LTBP4: variants seen among roughly 807,000 people sequenced by gnomAD.
The protein encoded by LTBP4 is latent transforming growth factor beta binding protein 4, also known as latent-transforming growth factor beta-binding protein 4.
In LTBP4, 93 loss-of-function variants were observed where a neutral mutation model predicts 180.2. The ratio of observed to expected loss-of-function variants is 0.52; its 90% CI spans 0.44 to 0.61. The LOEUF (loss-of-function observed/expected upper bound fraction) is 0.61, where lower values mean the gene tolerates loss of function less well. LTBP4 is among the 20% of genes least tolerant of loss of function. The probability of loss-of-function intolerance (pLI) is 0.00; values close to 1 mark genes in which losing one functional copy is unlikely to be tolerated. For synonymous variants in LTBP4, 947 were observed against 934.5 expected, an observed-to-expected ratio of 1.01 and a Z score of -0.24; for missense variants, 2,116 against 2,256.5, an observed-to-expected ratio of 0.94 and a Z score of 1.26.
In LTBP4 at chr19:40,611,962, C is replaced by G. The variant is rs770079010; in HGVS notation, c.2157C>G (p.Asn719Lys). ...TCTGCCCCATGGGCTTCCAACCCAA[C>G]ACTGCTGGCTCCGAGTGCGAGGGTG... ...QCVCPMGFQP[N>K]TAGSECEDVD... Residue 719 changes from asparagine (N) to lysine (K), a missense_variant, in exon 14 of 30, where the codon AAC becomes AAG. By Grantham distance (94) the Asn-to-Lys change is moderately conservative. This residue lies in a region of LTBP4 where 877 missense variants were observed against 873.6 expected (regional missense o/e 1.00). Coordinates refer to ENST00000396819, the MANE Select transcript of LTBP4 (RefSeq NM_001042545.2). This position sits in a 1 kb window ranked among gnomAD's most constrained non-coding sequence, Gnocchi z 4.4. 19 of 1,611,766 alleles carry G rather than the reference C, an allele frequency of 1.2e-5. No individual in the cohort carries two copies. The highest frequency in any genetic ancestry group is 1.5e-5 in the Non-Finnish European group (18 of 1,178,922).
In LTBP4 at chr19:40,627,820, C is replaced by A. The variant is rs1365889140; in HGVS notation, c.4482C>A (p.Asp1494Glu). Residue 1494 changes from aspartate (D) to glutamate (E), a missense_variant, in exon 29 of 30, where the codon GAC (aspartate) becomes GAA (glutamate). By Grantham distance (45) the Asp-to-Glu change is conservative (BLOSUM62 2). Coordinates refer to ENST00000396819, the MANE Select transcript of LTBP4 (RefSeq NM_001042545.2). ...AAGGCTTCACCTGCCGTTGCTTCGA[C>A]GGCTACCGCCTGGACATGACCCGCA... ...VPEGFTCRCFDGYRLDMTRMA... is the reference protein window; with the variant it reads ...VPEGFTCRCFEGYRLDMTRMA... 1 of 1,570,366 alleles carries A rather than the reference C, an allele frequency of 6.4e-7. No individual in the cohort carries two copies.
chr19:40,600,725 G>A (rs990113928), upstream of LTBP4, among the ~76,000 whole-genome samples: 1 of 151,842 alleles, frequency 6.6e-6, no homozygotes, highest in Non-Finnish European at 1.5e-5. This position sits in a 1 kb window ranked among gnomAD's most constrained non-coding sequence, Gnocchi z 4.4. Context: ...TGTGAGCCTC[G>A]GGCCAGATGT....
In LTBP4 at chr19:40,614,465, G is replaced by T. The variant is rs1393293742; in HGVS notation, c.2812+19G>T. 5 of 1,593,298 alleles carry T rather than the reference G, an allele frequency of 3.1e-6. No individual in the cohort carries two copies. The highest frequency in any genetic ancestry group is 4.2e-6 in the Non-Finnish European group (5 of 1,177,432). ...TGTGACGGTGAGCCTGCCCCCACCC[G>T]CCTTCGCTAGCGCTTGCAACGCGGT... On this transcript the variant is annotated intron_variant, in intron 19 of 29. Coordinates refer to ENST00000396819, the MANE Select transcript of LTBP4 (RefSeq NM_001042545.2).
intron 26 of LTBP4, 148 bp downstream of exon 26, chr19:40,624,230 C>T: frequency 3.9e-6 from 4 of 1,016,808 alleles, no homozygotes; most frequent in Non-Finnish European, 5.3e-6. Flanking sequence ...CTCACTCAGT[C>T]TCTGTCCCAC....
chr19:40,605,438 A>C lies in LTBP4; in HGVS notation c.476A>C (p.His159Pro). Residue 159 changes from histidine (H) to proline (P), a missense_variant, in exon 3 of 30, where the codon CAC becomes CCC. His to Pro is a moderately conservative substitution (Grantham distance 77). Around this residue, in one of 5 missense-constraint regions of LTBP4, gnomAD observed 469 missense variants for 532.5 expected, o/e 0.88. Coordinates refer to ENST00000396819, the MANE Select transcript of LTBP4 (RefSeq NM_001042545.2). This position sits in a 1 kb window ranked among gnomAD's most constrained non-coding sequence, Gnocchi z 5.5. ...TCTATGGTGAGCGTCCACGTGGAGC[A>C]CCCGCAGGAGGCGTCGGTGGTGGTG... ...VASMVSVHVEHPQEASVVVHQ... is the reference protein window; with the variant it reads ...VASMVSVHVEPPQEASVVVHQ... The C allele has an allele frequency of 1.2e-6, 2 of 1,612,802 alleles. No individual in the cohort carries two copies. The highest frequency in any genetic ancestry group is 1.7e-6 in the Non-Finnish European group (2 of 1,179,844).
rs1269948040 is a variant in LTBP4, at chr19:40,627,223, G to A, written c.4234G>A (p.Asp1412Asn). Residue 1412 changes from aspartate to asparagine, a missense_variant, in exon 28 of 30, where the codon GAT becomes AAT. Transcript: ENST00000396819. ...CTTCGACATGCCAGACTTTGAGGACGATGGTGGCCCCTATGGCGAATCTGA... is the reference window on the plus strand; with the variant it reads ...CTTCGACATGCCAGACTTTGAGGACAATGGTGGCCCCTATGGCGAATCTGA... The part of the protein sequence containing the change: ...PRFDMPDFED[D>N]GGPYGESEAP... 17 of 1,606,680 alleles carry A rather than the reference G, an allele frequency of 1.1e-5. No individual in the cohort carries two copies. The highest frequency in any genetic ancestry group is 1.4e-5 in the Non-Finnish European group (16 of 1,177,478).
Position 40,627,871 on chromosome 19 carries a change from CG to C in LTBP4, c.4519+18del. The stretch of plus-strand genomic sequence containing the variant: ...TGGCCTGCGTTGGTGAGGGCGGGCC[CG>C]GGGCCAGCATGCGCAGGGAGAGGCG... On this transcript the variant is annotated intron_variant, in intron 29 of 29. Coordinates refer to ENST00000396819, the MANE Select transcript of LTBP4 (RefSeq NM_001042545.2). 6.4e-7 allele frequency: 1 copy of C among 1,553,452 alleles called. No homozygotes were observed. Among genetic ancestry groups the C allele is most frequent in the East Asian group, 2.4e-5 (1 of 42,286 alleles).
upstream of LTBP4, chr19:40,599,117 G>T (rs2081406467): frequency 7.4e-7 from 1 of 1,349,092 alleles, no homozygotes; most frequent in African/African-American, 1.4e-5. Context: ...ATGCGTCTTG[G>T]TTTCCCCTCC....
In LTBP4 at chr19:40,605,734, G is replaced by T; in HGVS notation, c.696G>T (p.Ala232=). 1 of 1,545,992 alleles carries T rather than the reference G, an allele frequency of 6.5e-7. No homozygotes were observed. The highest frequency in any genetic ancestry group is 8.7e-7 in the Non-Finnish European group (1 of 1,146,496). ...CACCCAACACTTCCCCGCAGTGCGC[G>T]TCCCCGCTGCCCGGGCTCCGGACGC... ...CFRELRGGEC[A]SPLPGLRTQE... is the part of the protein sequence containing the mutation. The change falls in exon 4 of 30, where the codon GCG becomes GCT. Residue 232 remains alanine (A), a synonymous_variant. Coordinates refer to ENST00000396819, the MANE Select transcript of LTBP4 (RefSeq NM_001042545.2). This position sits in a 1 kb window ranked among gnomAD's most constrained non-coding sequence, Gnocchi z 5.5.
chr19:40,607,278 C>CCCCCAA, intron 6 of LTBP4, 87 bp from the exon 7 acceptor site: 4 of 1,119,228 alleles, frequency 3.6e-6, no homozygotes, highest in East Asian at 3.0e-5. Context: ...ACCCCCAACC[C>CCCCCAA]CAGAACCATT....
chr19:40,596,428 A>G (rs2081390756), upstream of LTBP4, among the ~76,000 whole-genome samples: 1 of 152,090 alleles, frequency 6.6e-6, no homozygotes, highest in African/African-American at 2.4e-5. Flanking sequence ...GGGAGCATTC[A>G]AAGACTCAGG....
chr19:40,597,436 G>A, upstream of LTBP4: 1 of 1,408,702 alleles, frequency 7.1e-7, no homozygotes, highest in Non-Finnish European at 9.3e-7. Flanking sequence ...TGGTCCAGGA[G>A]GACCACGGCT....
intron 1 of LTBP4, chr19:40,593,282 G>T: frequency 7.0e-7 from 1 of 1,428,906 alleles, no homozygotes; most frequent in Admixed American, 1.8e-5. Flanking sequence ...TTGCTTTGTT[G>T]CCCGGGCTAG....
chr19:40,627,649 T>G (rs1321073056), intron 28 of LTBP4, 56 bp from the exon 29 acceptor site: 1 of 1,546,902 alleles, frequency 6.5e-7, no homozygotes, highest in Admixed American at 1.9e-5. Flanking sequence ...CCCACCGTTG[T>G]GGGTAAGGGG....
intron 6 of LTBP4, 97 bp downstream of exon 6, chr19:40,606,623 A>C: frequency 6.9e-7 from 1 of 1,449,624 alleles, no homozygotes; most frequent in Admixed American, 2.1e-5. Flanking sequence ...GGACCCCCCC[A>C]GACTCCCGGG....
chr19:40,629,607 A>G lies in LTBP4; in HGVS notation c.*57A>G, dbSNP rs2081664049. 1.5e-6 allele frequency: 2 copies of G among 1,324,572 alleles called. No individual in the cohort carries two copies. The highest frequency in any genetic ancestry group is 4.1e-5 in the Admixed American group (1 of 24,688). 82.1% of individuals were successfully genotyped at this position (1,324,572 alleles called of 1,614,324 possible). A position where few individuals can be genotyped will look rare whatever the true frequency, so the allele number is the denominator to read the frequency against. On this transcript the variant is annotated 3_prime_UTR_variant, in exon 30 of 30. Transcript: ENST00000396819. This position sits in a 1 kb window ranked among gnomAD's most constrained non-coding sequence, Gnocchi z 4.5. ...CCGCCACTCGGGGCCCCTGCCGCGC[A>G]TCCTGCAGCCCGCTTATGCGTATGT...
chr19:40,599,611 C>A, upstream of LTBP4: 1 of 1,548,346 alleles, frequency 6.5e-7, no homozygotes, highest in East Asian at 2.3e-5. Flanking sequence ...CCTAGCTTTG[C>A]CCCCGTTTCC....
intron 7 of LTBP4, 33 bp from the exon 8 acceptor site, chr19:40,608,185 CTT>C (rs762911180): frequency 2.5e-6 from 4 of 1,613,098 alleles, no homozygotes; most frequent in Non-Finnish European, 8.5e-7. Flanking sequence ...TTCCCGCTCT[CTT>C]GTCCTCTCTC....
At chr19:40,595,438 C>G (rs1391396506) in intron 1 of LTBP4, among the ~76,000 whole-genome samples, 1 of 109,148 alleles carries the variant, frequency 9.2e-6, no homozygotes, top group Admixed American at 1.0e-4. Flanking sequence ...TGCCCCTGAC[C>G]CACAGGATCT....
Sources: gnomAD v4.1 joint callset for allele counts (sites outside exome capture counted in the v4.1 genomes callset) on GRCh38, gnomAD v4.1.1 for gene constraint, gnomAD v4.1.1 regional missense constraint, Gnocchi (gnomAD v3.1) non-coding constraint, MANE v1.5 for transcripts, NCBI Gene and HGNC (gene_info 2026-07-23, HGNC 2026-07-21) for gene names.